The following ROBO1 variants were observed in gnomAD, a reference collection of about 807,000 sequenced individuals.
The protein encoded by ROBO1 is roundabout guidance receptor 1.
In ROBO1, 149 loss-of-function variants were observed where a neutral mutation model predicts 195.9. The ratio of observed to expected loss-of-function variants is 0.76; its 90% CI spans 0.67 to 0.87. The LOEUF (loss-of-function observed/expected upper bound fraction) is 0.87, where lower values mean the gene tolerates loss of function less well. Ranked by LOEUF, ROBO1 falls within the 40% of genes least tolerant of loss-of-function variation. The pLI, the probability that ROBO1 is intolerant of heterozygous loss-of-function variation, is 0.00. For missense variants in ROBO1, 1,933 were observed against 2,068.3 expected, an observed-to-expected ratio of 0.93 and a Z score of 1.27; for synonymous variants, 816 against 733.2, an observed-to-expected ratio of 1.11 and a Z score of -1.82.
chr3:79,714,343 G>A (rs1030583474), intron 1 of ROBO1, among the ~76,000 whole-genome samples: 2 of 152,076 alleles, frequency 1.3e-5, no homozygotes, highest in Non-Finnish European at 2.9e-5. Context: ...AAAAAGTCAG[G>A]AAACAACAGA....
At chr3:79,332,998 T>C (rs1461296314) in intron 2 of ROBO1, among the ~76,000 whole-genome samples, 1 of 152,002 alleles carries the variant, frequency 6.6e-6, no homozygotes. Flanking sequence ...TGTCAGGAGT[T>C]CGAGACCAGC....
chr3:79,421,511 A>G (rs1183060165), intron 2 of ROBO1, among the ~76,000 whole-genome samples: 1 of 152,150 alleles, frequency 6.6e-6, no homozygotes, highest in African/African-American at 2.4e-5. Context: ...ACCCAGGCAC[A>G]GGAGCTGACA....
intron 2 of ROBO1, among the ~76,000 whole-genome samples, chr3:79,434,865 A>G (rs1487818500): frequency 6.6e-6 from 1 of 152,230 alleles, no homozygotes; most frequent in East Asian, 1.9e-4. Flanking sequence ...CATATACACC[A>G]TGGAATACTA....
At chr3:78,993,735 C>T (rs2077290785) in intron 3 of ROBO1, among the ~76,000 whole-genome samples, 6 of 152,100 alleles carry the variant, frequency 3.9e-5, no homozygotes. Flanking sequence ...TTGTTAATTC[C>T]TATGAGGCTT....
Position 78,639,804 on chromosome 3 carries a change from T to A in ROBO1, c.2977A>T (p.Ser993Cys). ...TGNNHNDCSI[S>C]CCTAGNGNSD... ...TTTCCATTGCCTGCCGTGCAGCAGCTGATGGAGCAGTCATTGTGGTTGTTG... is the reference window on the plus strand; with the variant it reads ...TTTCCATTGCCTGCCGTGCAGCAGCAGATGGAGCAGTCATTGTGGTTGTTG... The change falls in exon 22 of 31, where the codon AGC (serine) becomes TGC (cysteine). Residue 993 changes from serine (S) to cysteine (C), a missense_variant. Ser to Cys is a moderately radical substitution (Grantham distance 112, BLOSUM62 -1). This residue lies in a region of ROBO1 where 1,737 missense variants were observed against 1,882.5 expected (regional missense o/e 0.92). Transcript: ENST00000464233. 6.2e-7 allele frequency: 1 copy of A among 1,613,690 alleles called. No homozygotes were observed. Among genetic ancestry groups the A allele is most frequent in the Non-Finnish European group, 8.5e-7 (1 of 1,179,674 alleles).
In ROBO1 at chr3:78,938,823, C is replaced by T; in HGVS notation, c.277G>A (p.Gly93Ser). 6.2e-7 allele frequency: 1 copy of T among 1,613,992 alleles called. No homozygotes were observed. The highest frequency in any genetic ancestry group is 8.5e-7 in the Non-Finnish European group (1 of 1,179,892). ...EPATLNCKAE[G>S]RPTPTIEWYK... is the part of the protein sequence containing the mutation. ...CATTCAATAGTGGGTGTGGGGCGGC[C>T]TTCAGCTTTGCAGTTCAAAGTTGCA... The change falls in exon 4 of 31, where the codon GGC becomes AGC. Residue 93 changes from glycine to serine, a missense_variant. Physicochemically the swap from Gly to Ser is moderately conservative, Grantham distance 56. Coordinates refer to ENST00000464233, the MANE Select transcript of ROBO1 (RefSeq NM_002941.4).
intron 4 of ROBO1, among the ~76,000 whole-genome samples, chr3:78,762,522 T>C (rs1026427008): frequency 3.3e-5 from 5 of 152,028 alleles, no homozygotes; most frequent in Non-Finnish European, 7.4e-5. Context: ...AGGATACATA[T>C]AATTTAATAT....
intron 3 of ROBO1, among the ~76,000 whole-genome samples, chr3:79,051,956 T>G (rs1390882384): frequency 6.6e-6 from 1 of 152,052 alleles, no homozygotes; most frequent in African/African-American, 2.4e-5. Flanking sequence ...CTGTGATGAG[T>G]GCATTATCTG....
intron 2 of ROBO1, among the ~76,000 whole-genome samples, chr3:79,540,433 G>A (rs766461530): frequency 6.6e-6 from 1 of 151,982 alleles, no homozygotes; most frequent in Non-Finnish European, 1.5e-5. Context: ...CAGGGTTTTG[G>A]CATTTTCTAA....
intron 3 of ROBO1, among the ~76,000 whole-genome samples, chr3:79,038,599 A>G (rs1005280942): frequency 1.3e-5 from 2 of 151,930 alleles, no homozygotes; most frequent in African/African-American, 2.4e-5. Context: ...TTTTTTCCTC[A>G]TCTCACCATT....
At chr3:78,825,040 C>G (rs1013850781) in intron 4 of ROBO1, among the ~76,000 whole-genome samples, 2 of 152,118 alleles carry the variant, frequency 1.3e-5, no homozygotes, top group African/African-American at 4.8e-5. Context: ...TTCTATAAAA[C>G]TCAATTTAAA....
chr3:79,365,837 C>CA (rs927374032), intron 2 of ROBO1, among the ~76,000 whole-genome samples: 3 of 149,082 alleles, frequency 2.0e-5, no homozygotes, highest in Non-Finnish European at 4.4e-5. Flanking sequence ...GCGGAGCTTG[C>CA]AGTGAGCCGA....
rs17016588 is a variant in ROBO1, at chr3:78,905,114, T to C, written c.499+33487A>G. ...ACATAAAGATGCTGCAGGAATAATA[T>C]AGAAACACCAGAAATATTAAATTTT... On this transcript the variant is annotated intron_variant, in intron 4 of 30. Coordinates refer to ENST00000464233, the MANE Select transcript of ROBO1 (RefSeq NM_002941.4). 6.2e-3 allele frequency among the ~76,000 whole-genome samples: 941 copies of C among 152,264 alleles called. 23 individuals are homozygous for C. Among genetic ancestry groups the C allele is most frequent in the Admixed American group, 0.046 (703 of 15,270 alleles).
intron 3 of ROBO1, among the ~76,000 whole-genome samples, chr3:79,112,474 G>A (rs561643596): frequency 1.3e-5 from 2 of 152,266 alleles, no homozygotes; most frequent in South Asian, 2.1e-4. Context: ...AACGATCAGA[G>A]ACAAAGCAAA....
intron 3 of ROBO1, among the ~76,000 whole-genome samples, chr3:78,966,581 T>G (rs9853126): frequency 0.15 from 22,834 of 152,146 alleles, 2,561 homozygotes; most frequent in African/African-American, 0.32. Context: ...TCGCTTACAA[T>G]CCAAAGTTAA....
At chr3:78,616,637 A>C (rs898194760) in intron 27 of ROBO1, among the ~76,000 whole-genome samples, 7 of 152,162 alleles carry the variant, frequency 4.6e-5, no homozygotes, top group Non-Finnish European at 8.8e-5. Flanking sequence ...AAAATAAAAC[A>C]GTAAAATACC....
rs191423762 is a variant in ROBO1, at chr3:78,852,793, T to C, written c.499+85808A>G. ...TCACATATCAAATAGGTTTTCATAATAACTGTGTGACAAACACAGTTTCAA... is the reference window on the plus strand; with the variant it reads ...TCACATATCAAATAGGTTTTCATAACAACTGTGTGACAAACACAGTTTCAA... On this transcript the variant is annotated intron_variant, in intron 4 of 30. Transcript: ENST00000464233. Among the ~76,000 whole-genome samples, 366 of 152,244 alleles carry C rather than the reference T, an allele frequency of 2.4e-3. 2 individuals are homozygous for C. The highest frequency in any genetic ancestry group is 4.0e-3 in the Non-Finnish European group (275 of 68,006).
intron 3 of ROBO1, among the ~76,000 whole-genome samples, chr3:79,031,188 C>T (rs2078290374): frequency 2.6e-5 from 4 of 151,992 alleles, no homozygotes; most frequent in African/African-American, 9.7e-5. Context: ...TAAATGCTAC[C>T]CAAGTTTACA....
chr3:78,981,144 T>C (rs1035424372), intron 3 of ROBO1, among the ~76,000 whole-genome samples: 1 of 152,194 alleles, frequency 6.6e-6, no homozygotes, highest in Non-Finnish European at 1.5e-5. Context: ...GGCTGGTAAT[T>C]GGGCATTGAG....
Sources: allele counts gnomAD v4.1 joint callset (sites outside exome capture counted in the v4.1 genomes callset), GRCh38; gene constraint gnomAD v4.1.1; regional missense constraint gnomAD v4.1.1; transcripts MANE v1.5; gene names NCBI Gene and HGNC (gene_info 2026-07-23, HGNC 2026-07-21).